The following PRKCH variants were observed in gnomAD, a reference collection of about 807,000 sequenced individuals.
The protein encoded by PRKCH is protein kinase C eta.
Under a neutral mutation model 82.5 loss-of-function variants are expected in PRKCH, and 28 were observed. The observed-to-expected ratio is 0.34, with a 90% CI of 0.25 to 0.47. The LOEUF (loss-of-function observed/expected upper bound fraction) is 0.47, where lower values mean the gene tolerates loss of function less well. Ranked by LOEUF, PRKCH falls within the 20% of genes least tolerant of loss-of-function variation. The pLI is 1.00. For missense variants in PRKCH, 705 were observed against 881.8 expected (o/e 0.80, Z 2.54); for synonymous variants, 322 against 327.4 (o/e 0.98, Z 0.18).
chr14:61,414,185 G>A (rs1026468144), intron 2 of PRKCH, among the ~76,000 whole-genome samples: 7 of 151,826 alleles, frequency 4.6e-5, no homozygotes, highest in African/African-American at 9.7e-5. Context: ...CCACTCCTCC[G>A]TCTATATCTG....
intron 10 of PRKCH, among the ~76,000 whole-genome samples, chr14:61,511,001 C>T (rs1566921428): frequency 6.6e-6 from 1 of 152,048 alleles, no homozygotes; most frequent in African/African-American, 2.4e-5. Flanking sequence ...GGAGGAGGAG[C>T]CTCCGGAGGA....
intron 2 of PRKCH, 38 bp downstream of exon 2, chr14:61,391,326 A>G: frequency 6.6e-7 from 1 of 1,523,464 alleles, no homozygotes; most frequent in South Asian, 1.2e-5. Context: ...GAATACATGT[A>G]ATCTTGGTTT....
At chr14:61,485,710 G>C (rs915373328) in intron 10 of PRKCH, 54 bp downstream of exon 10, 10 of 1,557,748 alleles carry the variant, frequency 6.4e-6, no homozygotes, top group Admixed American at 1.8e-5. Flanking sequence ...CCCTCTCCTG[G>C]TATGATCCAT....
intron 1 of PRKCH, among the ~76,000 whole-genome samples, chr14:61,262,898 A>T (rs1329080220): frequency 2.0e-5 from 3 of 152,188 alleles, no homozygotes; most frequent in Admixed American, 2.0e-4. Context: ...TCGAGTGCTT[A>T]CTAAGGGCCT....
chr14:61,222,046 T>A (rs1268940455), intron 1 of PRKCH, among the ~76,000 whole-genome samples: 1 of 152,110 alleles, frequency 6.6e-6, no homozygotes, highest in Admixed American at 6.5e-5. Context: ...TCCCACACAC[T>A]GCCTGCTCTT....
chr14:61,260,423 C>T (rs780428863), intron 1 of PRKCH, among the ~76,000 whole-genome samples: 2 of 151,988 alleles, frequency 1.3e-5, no homozygotes, highest in South Asian at 2.1e-4. Context: ...TCAATTCTTC[C>T]GTCTATTAAA....
intron 1 of PRKCH, among the ~76,000 whole-genome samples, chr14:61,233,981 G>C (rs1467643411): frequency 6.6e-6 from 1 of 151,858 alleles, no homozygotes; most frequent in East Asian, 1.9e-4. Context: ...ATTTATCATC[G>C]AACTTCTCCA....
intron 10 of PRKCH, chr14:61,525,763 C>T (rs1006279877): frequency 1.3e-5 from 2 of 152,254 alleles, no homozygotes; most frequent in African/African-American, 4.8e-5. Flanking sequence ...AGCAGGCATA[C>T]TGGCTTCGGG....
intron 1 of PRKCH, among the ~76,000 whole-genome samples, chr14:61,390,250 G>A (rs184227453): frequency 6.6e-6 from 1 of 152,168 alleles, no homozygotes; most frequent in Non-Finnish European, 1.5e-5. Context: ...GGGGTCTTTC[G>A]GAAACTGGAC....
chr14:61,237,591 C>T (rs1014183137), intron 1 of PRKCH, among the ~76,000 whole-genome samples: 8 of 152,162 alleles, frequency 5.3e-5, no homozygotes, highest in African/African-American at 1.7e-4. Context: ...TTATCTTAAC[C>T]CAGACGCTCC....
intron 1 of PRKCH, among the ~76,000 whole-genome samples, chr14:61,230,441 T>C (rs2044733358): frequency 6.6e-6 from 1 of 152,206 alleles, no homozygotes. Flanking sequence ...TACCTTTGAT[T>C]TTCCATCTGT....
chr14:61,195,228 C>A (rs1009824479), intron 1 of PRKCH, among the ~76,000 whole-genome samples: 1 of 152,168 alleles, frequency 6.6e-6, no homozygotes, highest in African/African-American at 2.4e-5. Context: ...GAACTCTACT[C>A]TGTGGTCTCT....
In PRKCH at chr14:61,202,423, A is replaced by C. The variant is rs114422990; in HGVS notation, c.-19+14755A>C. Reference sequence around the variant, plus strand: ...GGGGTACATGAAGGAAAAGTAGCTTACAGAAATGGGTACACAATTTTGGGA... The same window carrying C: ...GGGGTACATGAAGGAAAAGTAGCTTCCAGAAATGGGTACACAATTTTGGGA... On this transcript the variant is annotated intron_variant, in intron 1 of 3. Coordinates refer to the PRKCH transcript ENST00000555185. Among the ~76,000 whole-genome samples, 778 of 152,346 alleles carry C rather than the reference A, an allele frequency of 5.1e-3. 15 individuals carry two copies. Among genetic ancestry groups the C allele is most frequent in the African/African-American group, 0.017 (719 of 41,574 alleles).
At chr14:61,509,865 A>C (rs1191129901) in intron 10 of PRKCH, among the ~76,000 whole-genome samples, 1 of 152,184 alleles carries the variant, frequency 6.6e-6, no homozygotes, top group Non-Finnish European at 1.5e-5. Flanking sequence ...CAGTGAGCCA[A>C]GATCGTGTCA....
intron 1 of PRKCH, among the ~76,000 whole-genome samples, chr14:61,252,251 G>A (rs925933140): frequency 1.1e-4 from 16 of 152,168 alleles, no homozygotes; most frequent in African/African-American, 2.2e-4. Context: ...GAACTTGGCC[G>A]TGGGGCAGCA....
At chr14:61,447,915 G>A (rs1884303100) in intron 4 of PRKCH, among the ~76,000 whole-genome samples, 1 of 152,096 alleles carries the variant, frequency 6.6e-6, no homozygotes, top group Admixed American at 6.5e-5. Flanking sequence ...TAAGCCTCAA[G>A]CGAGCATAAG....
chr14:61,350,678 G>A (rs189047480), intron 1 of PRKCH, among the ~76,000 whole-genome samples: 7 of 152,254 alleles, frequency 4.6e-5, no homozygotes, highest in Admixed American at 3.9e-4. Flanking sequence ...CAGGAAGCTC[G>A]AGTGCTTTAC....
chr14:61,540,371 C>A (rs535332598), intron 12 of PRKCH, among the ~76,000 whole-genome samples: 1 of 152,300 alleles, frequency 6.6e-6, no homozygotes, highest in Admixed American at 6.5e-5. Context: ...ATTCTCCTCA[C>A]CTGTCGGTCC....
At chr14:61,325,796 C>T (rs1194912851) in intron 1 of PRKCH, among the ~76,000 whole-genome samples, 1 of 152,180 alleles carries the variant, frequency 6.6e-6, no homozygotes, top group Non-Finnish European at 1.5e-5. Context: ...CAACAAATGA[C>T]TTGTAACTTG....
Sources: gnomAD v4.1 joint callset for allele counts (sites outside exome capture counted in the v4.1 genomes callset) on GRCh38, gnomAD v4.1.1 for gene constraint, MANE v1.5 for transcripts, NCBI Gene and HGNC (gene_info 2026-07-23, HGNC 2026-07-21) for gene names.